The following ACACB variants were observed in gnomAD, a reference collection of about 807,000 sequenced individuals.
The protein encoded by ACACB is acetyl-CoA carboxylase beta, also known as acetyl-CoA carboxylase 2.
ACACB carries 209 observed loss-of-function variants against 278.8 expected under a neutral mutation model. That is an observed-to-expected ratio of 0.75 (90% CI 0.67 to 0.84). The LOEUF (loss-of-function observed/expected upper bound fraction) is 0.84. ACACB is among the 40% of genes least tolerant of loss of function. The pLI is 0.00. For synonymous variants in ACACB, 1,174 were observed against 1,285.6 expected (o/e 0.91, Z 1.86); for missense variants, 2,850 against 3,269.0 (o/e 0.87, Z 3.13).
chr12:109,233,212 A>G (rs1291130944), intron 29 of ACACB, among the ~76,000 whole-genome samples: 2 of 142,486 alleles, frequency 1.4e-5, no homozygotes, highest in Non-Finnish European at 3.1e-5. Flanking sequence ...ATGAGATAAC[A>G]TATGTGAAAT....
chr12:109,228,924 GCC>G (rs2046394102), intron 28 of ACACB, among the ~76,000 whole-genome samples: 1 of 152,070 alleles, frequency 6.6e-6, no homozygotes, highest in Non-Finnish European at 1.5e-5. Flanking sequence ...CATGCCATTG[GCC>G]TGGGCACTCT....
At chr12:109,206,086 A>G (rs1343599500) in intron 19 of ACACB, among the ~76,000 whole-genome samples, 2 of 152,276 alleles carry the variant, frequency 1.3e-5, no homozygotes, top group East Asian at 3.9e-4. Context: ...TCAATAGAGA[A>G]TGAAAATAAA....
At chr12:109,245,865 G>C in intron 38 of ACACB, 117 bp downstream of exon 38, 1 of 1,315,250 alleles carries the variant, frequency 7.6e-7, no homozygotes, top group South Asian at 1.5e-5. Flanking sequence ...AAGGTGGGTG[G>C]ATCACTTGAG....
chr12:109,240,973 GT>G, intron 35 of ACACB, 104 bp from the exon 36 acceptor site: 1 of 1,102,746 alleles, frequency 9.1e-7, no homozygotes, highest in South Asian at 1.4e-5. Flanking sequence ...TGTCCCAGGC[GT>G]TTTTGCAGTC....
At chr12:109,151,970 T>C (rs2043387168) in intron 2 of ACACB, among the ~76,000 whole-genome samples, 1 of 152,254 alleles carries the variant, frequency 6.6e-6, no homozygotes, top group Non-Finnish European at 1.5e-5. Context: ...TTCCGTCTTC[T>C]ATTCCCTAAT....
rs778059427 is a variant in ACACB at position 109,171,760 on chromosome 12, C to G, written c.926-45C>G. ...TCTTGTAATGTTCTGCCATTGATGTCAGTCTGTCAGCAGTTCCTTCCTTCT... is the reference window on the plus strand; with the variant it reads ...TCTTGTAATGTTCTGCCATTGATGTGAGTCTGTCAGCAGTTCCTTCCTTCT... On this transcript the variant is annotated intron_variant, in intron 4 of 52. Coordinates refer to ENST00000338432, the MANE Select transcript of ACACB (RefSeq NM_001093.4). 7.0e-6 allele frequency: 10 copies of G among 1,432,254 alleles called. No homozygotes were observed. In the South Asian group the frequency reaches 8.1e-5, roughly 12 times the overall value. 88.7% of individuals were successfully genotyped at this position (1,432,254 alleles called of 1,614,324 possible).
chr12:109,246,050 A>G (rs1593691579), intron 38 of ACACB, 129 bp from the exon 39 acceptor site: 3 of 1,128,196 alleles, frequency 2.7e-6, no homozygotes, highest in East Asian at 5.2e-5. Flanking sequence ...TGATTGCACC[A>G]CTGCACTCTG....
intron 24 of ACACB, among the ~76,000 whole-genome samples, chr12:109,220,586 C>G (rs2046131259): frequency 6.6e-6 from 1 of 152,170 alleles, no homozygotes; most frequent in Non-Finnish European, 1.5e-5. Context: ...GAGTCTTGCT[C>G]TGTCACCCAG....
chr12:109,242,607 T>C lies in ACACB; in HGVS notation c.5178+15T>C. 1 of 1,613,636 alleles carries C rather than the reference T, an allele frequency of 6.2e-7. No individual in the cohort carries two copies. The highest frequency in any genetic ancestry group is 8.5e-7 in the Non-Finnish European group (1 of 1,179,710). On this transcript the variant is annotated intron_variant, in intron 37 of 52. Coordinates refer to ENST00000338432, the MANE Select transcript of ACACB (RefSeq NM_001093.4). Reference sequence around the variant, plus strand: ...TGTTCAGGCAGGCAAGTCCGGCGGCTCAGACGCGGTACCCCCTGGGTCCTC... The same window carrying C: ...TGTTCAGGCAGGCAAGTCCGGCGGCCCAGACGCGGTACCCCCTGGGTCCTC...
chr12:109,176,038 G>T lies in ACACB; in HGVS notation c.1324G>T (p.Glu442Ter). The change falls in exon 8 of 53, where the codon GAG becomes TAG. Residue 442 changes from glutamate to a stop codon, truncating the protein, a stop_gained and splice_region_variant. Transcript: ENST00000338432. LOFTEE classifies it high-confidence loss of function. Reference protein sequence around the residue: ...GCVKDVDEGLEAAERIGFPLM... With the variant: ...GCVKDVDEGL ...CGTGAAAGACGTAGATGAGGGCTTG[G>T]AGGTAAATGCAGAGCCTGTGGGGGC... 1 of 1,614,132 alleles carries T rather than the reference G, an allele frequency of 6.2e-7. No homozygotes were observed. Among genetic ancestry groups the T allele is most frequent in the Non-Finnish European group, 8.5e-7 (1 of 1,179,980 alleles).
intron 1 of ACACB, among the ~76,000 whole-genome samples, chr12:109,117,359 CAAAA>C (rs36115918): frequency 2.6e-5 from 3 of 114,024 alleles, no homozygotes; most frequent in Non-Finnish European, 1.8e-5. Context: ...GACTCTGTCT[CAAAA>C]AAAAAAAAAA....
At chr12:109,209,423 A>T (rs1228425645) in intron 21 of ACACB, 70 bp downstream of exon 21, 2 of 1,478,744 alleles carry the variant, frequency 1.4e-6, no homozygotes, top group Non-Finnish European at 1.8e-6. Flanking sequence ...GTCTGGCTCG[A>T]TATCTGGCCT....
chr12:109,194,992 C>G (rs940834401), intron 16 of ACACB, among the ~76,000 whole-genome samples: 5 of 152,092 alleles, frequency 3.3e-5, no homozygotes, highest in African/African-American at 1.2e-4. Context: ...GGGGCTTATT[C>G]CGGTTGCTCT....
chr12:109,232,868 A>AT, intron 29 of ACACB, 62 bp downstream of exon 29: 4 of 1,592,442 alleles, frequency 2.5e-6, no homozygotes, highest in Non-Finnish European at 1.7e-6. Context: ...CTTCCCTTGA[A>AT]TCCCCCCCCA....
chr12:109,241,556 C>T, intron 36 of ACACB: 1 of 413,638 alleles, frequency 2.4e-6, no homozygotes, highest in Non-Finnish European at 4.5e-6. Flanking sequence ...CCATATTGGC[C>T]AGGCTGGTCT....
At chr12:109,228,312 G>A (rs2046373994) in intron 28 of ACACB, among the ~76,000 whole-genome samples, 2 of 151,712 alleles carry the variant, frequency 1.3e-5, no homozygotes, top group South Asian at 4.2e-4. Flanking sequence ...CGCCAGCCTG[G>A]GTGACAGAGC....
intron 19 of ACACB, among the ~76,000 whole-genome samples, chr12:109,205,641 A>G (rs956837982): frequency 6.6e-6 from 1 of 151,972 alleles, no homozygotes; most frequent in African/African-American, 2.4e-5. Flanking sequence ...TTTAGTAGAG[A>G]TGGGGTTTCA....
intron 49 of ACACB, 34 bp downstream of exon 49, chr12:109,262,503 G>T (rs1300617710): frequency 1.3e-6 from 2 of 1,484,750 alleles, no homozygotes; most frequent in Non-Finnish European, 1.9e-6. Flanking sequence ...CCTCTCAGAG[G>T]TCAAGAGAGG....
upstream of ACACB, among the ~76,000 whole-genome samples, chr12:109,112,028 CT>C (rs34340430): frequency 0.52 from 78,836 of 151,670 alleles, 21,786 homozygotes; most frequent in African/African-American, 0.71. Context: ...GATAATTGTG[CT>C]TACACCAGTT....
Sources: gnomAD v4.1 joint callset for allele counts (sites outside exome capture counted in the v4.1 genomes callset) on GRCh38, gnomAD v4.1.1 for gene constraint, MANE v1.5 for transcripts, NCBI Gene and HGNC (gene_info 2026-07-23, HGNC 2026-07-21) for gene names.